DGKI: variants seen among roughly 807,000 people sequenced by gnomAD.
DGKI encodes the protein diacylglycerol kinase iota, also known as DAG kinase iota.
In DGKI, 55 loss-of-function variants were observed where a neutral mutation model predicts 147.5. The observed-to-expected ratio is 0.37, with a 90% confidence interval of 0.30 to 0.47. The LOEUF (loss-of-function observed/expected upper bound fraction) is 0.47, where lower values mean the gene tolerates loss of function less well. Among genes scored for constraint, DGKI ranks in the 20% least tolerant of loss-of-function variants. The pLI, the probability that DGKI is intolerant of heterozygous loss-of-function variation, is 1.00. For missense variants in DGKI, 1,007 were observed against 1,323.8 expected (o/e 0.76, Z 3.71); for synonymous variants, 469 against 477.1 (o/e 0.98, Z 0.22).
At chr7:137,417,023 A>C (rs963169270) in intron 28 of DGKI, among the ~76,000 whole-genome samples, 3 of 152,226 alleles carry the variant, frequency 2.0e-5, no homozygotes, top group African/African-American at 7.2e-5. Context: ...GATTTCCTCC[A>C]CATAAAAAGA....
Position 137,520,419 on chromosome 7 carries a change from C to T in DGKI, c.2248+1447G>A, listed in dbSNP as rs142056609. 3.0e-3 allele frequency among the ~76,000 whole-genome samples: 452 copies of T among 152,158 alleles called. 3 individuals are homozygous for T. Among genetic ancestry groups the T allele is most frequent in the South Asian group, 0.022 (107 of 4,828 alleles). ...CCATCGCAAAAATATATGTCTAACA[C>T]TTTATGGATCAAACAGATTATATGC... On this transcript the variant is annotated intron_variant, in intron 21 of 32. Transcript: ENST00000614521.
At chr7:137,561,991 G>A (rs1312714208) in intron 19 of DGKI, among the ~76,000 whole-genome samples, 1 of 152,094 alleles carries the variant, frequency 6.6e-6, no homozygotes, top group Non-Finnish European at 1.5e-5. Flanking sequence ...AAAACTATTT[G>A]TTGCCAACAG....
intron 1 of DGKI, among the ~76,000 whole-genome samples, chr7:137,727,278 T>C (rs1309029419): frequency 6.6e-6 from 1 of 152,146 alleles, no homozygotes; most frequent in Non-Finnish European, 1.5e-5. Flanking sequence ...GAAAAGCAGA[T>C]GTTCAATAAG....
chr7:137,681,212 T>G (rs1823225048), intron 2 of DGKI, among the ~76,000 whole-genome samples: 1 of 152,214 alleles, frequency 6.6e-6, no homozygotes, highest in African/African-American at 2.4e-5. Flanking sequence ...GGTGGACACC[T>G]GTTCACCAAA....
Position 137,799,652 on chromosome 7 carries a change from G to A in DGKI, c.401+46810C>T, listed in dbSNP as rs921407277. ...CATTTTGGGCTGGATTGGTTAAGAAGTCAATCACATGCTTTCCTAAGGAAA... is the reference window on the plus strand; with the variant it reads ...CATTTTGGGCTGGATTGGTTAAGAAATCAATCACATGCTTTCCTAAGGAAA... On this transcript the variant is annotated intron_variant, in intron 1 of 32. Transcript: ENST00000614521. Among the ~76,000 whole-genome samples, 68 of 152,278 alleles carry A rather than the reference G, an allele frequency of 4.5e-4. 1 individual carries two copies. Among genetic ancestry groups the A allele is most frequent in the African/African-American group, 1.6e-3 (68 of 41,562 alleles).
intron 21 of DGKI, among the ~76,000 whole-genome samples, chr7:137,507,071 C>T (rs1446524432): frequency 2.6e-5 from 4 of 152,154 alleles, no homozygotes; most frequent in African/African-American, 9.7e-5. Context: ...TTTACAACCA[C>T]CTGGTCATCA....
At position 137,846,734 on chromosome 7, in the gene DGKI, A is replaced by G; in HGVS notation, c.129T>C (p.Ala43=). Residue 43 remains alanine (A), a synonymous_variant, in exon 1 of 33, where the codon GCT becomes GCC. Transcript: ENST00000614521. The surrounding 1 kb of genome is among the most constrained non-coding windows in gnomAD (Gnocchi z 4.0). ...CGCCCGCTCCGGCGGCCGCGGAGGG[A>G]GCGCAGGCGGCGCCGCTGCAGGGGC... ...PPGPCSGAAC[A]PSAAAGAGAM... The G allele has an allele frequency of 9.9e-7, 1 of 1,010,854 alleles. No individual in the cohort carries two copies. The highest frequency in any genetic ancestry group is 1.2e-6 in the Non-Finnish European group (1 of 849,520). The allele number at this position is 1,010,854 out of a possible 1,614,324, so 62.6% of individuals were successfully genotyped here.
At chr7:137,809,380 G>T (rs2116993070) in intron 1 of DGKI, among the ~76,000 whole-genome samples, 1 of 152,244 alleles carries the variant, frequency 6.6e-6, no homozygotes. Flanking sequence ...ATGACAGGAG[G>T]AATGGAGAGA....
intron 23 of DGKI, among the ~76,000 whole-genome samples, chr7:137,478,867 A>G (rs889741786): frequency 4.6e-5 from 7 of 152,238 alleles, no homozygotes; most frequent in Admixed American, 4.6e-4. Flanking sequence ...AATGCTGCAC[A>G]TTAAATAAAT....
chr7:137,599,664 G>A (rs549054094), intron 11 of DGKI, among the ~76,000 whole-genome samples, 159 bp downstream of exon 11: 2 of 152,348 alleles, frequency 1.3e-5, no homozygotes, highest in South Asian at 4.1e-4. Context: ...TAAAGAGTAG[G>A]AGAGAACTTT....
At chr7:137,676,256 G>C (rs73730093) in intron 3 of DGKI, among the ~76,000 whole-genome samples, 7,756 of 152,200 alleles carry the variant, frequency 0.051, 654 homozygotes, top group African/African-American at 0.18. Context: ...ATAAATCTTT[G>C]CTAATTTAAT....
rs1016002975 is a variant in DGKI, at chr7:137,846,312, C to T, written c.401+150G>A. 3.9e-6 allele frequency: 2 copies of T among 508,992 alleles called. No individual in the cohort carries two copies. The highest frequency in any genetic ancestry group is 6.9e-6 in the Non-Finnish European group (2 of 289,220). 31.5% of individuals were successfully genotyped at this position (508,992 alleles called of 1,614,324 possible). Reference sequence around the variant, plus strand: ...CTGGAATGATAGGATGGGGAGAAGACAGACATCCCCGGGAGGAGAGGGGGA... The same window carrying T: ...CTGGAATGATAGGATGGGGAGAAGATAGACATCCCCGGGAGGAGAGGGGGA... On this transcript the variant is annotated intron_variant, in intron 1 of 32. Transcript: ENST00000614521. The surrounding 1 kb of genome is among the most constrained non-coding windows in gnomAD (Gnocchi z 4.0).
chr7:137,516,446 A>T (rs981580043), intron 21 of DGKI, among the ~76,000 whole-genome samples: 13 of 152,138 alleles, frequency 8.5e-5, no homozygotes, highest in African/African-American at 3.1e-4. Context: ...GGATTTTCTC[A>T]TTCTTGCTTA....
intron 1 of DGKI, among the ~76,000 whole-genome samples, chr7:137,785,171 G>A (rs1258328953): frequency 6.6e-6 from 1 of 151,760 alleles, no homozygotes; most frequent in African/African-American, 2.4e-5. Context: ...CAATACAAAA[G>A]ATAGATTAAA....
At chr7:137,581,823 G>A (rs770366752) in intron 15 of DGKI, 27 bp downstream of exon 15, 124 of 1,592,548 alleles carry the variant, frequency 7.8e-5, no homozygotes, top group Middle Eastern at 1.7e-4. Context: ...TCCTCCCTGG[G>A]AGATGGAAAT....
intron 1 of DGKI, among the ~76,000 whole-genome samples, chr7:137,780,129 G>A (rs911675231): frequency 4.6e-5 from 7 of 152,120 alleles, no homozygotes; most frequent in Non-Finnish European, 5.9e-5. Context: ...TTTGAAAGGC[G>A]GTCAGAGACA....
At chr7:137,553,715 T>C (rs1818128823) in intron 19 of DGKI, among the ~76,000 whole-genome samples, 1 of 151,974 alleles carries the variant, frequency 6.6e-6, no homozygotes, top group African/African-American at 2.4e-5. Flanking sequence ...GTTTGGAAAA[T>C]GTATAACACC....
At chr7:137,754,241 C>T (rs1027694562) in intron 1 of DGKI, among the ~76,000 whole-genome samples, 3 of 152,152 alleles carry the variant, frequency 2.0e-5, no homozygotes, top group South Asian at 2.1e-4. Flanking sequence ...AATGCTCCTA[C>T]GTGGAGGAAG....
intron 3 of DGKI, among the ~76,000 whole-genome samples, chr7:137,664,078 T>C (rs1822542797): frequency 6.6e-6 from 1 of 151,458 alleles, no homozygotes; most frequent in South Asian, 2.1e-4. Context: ...CTGCCCACAA[T>C]AGGGAAAAAA....
Sources: allele counts gnomAD v4.1 joint callset (sites outside exome capture counted in the v4.1 genomes callset), GRCh38; gene constraint gnomAD v4.1.1; non-coding constraint Gnocchi (gnomAD v3.1); transcripts MANE v1.5; gene names NCBI Gene and HGNC (gene_info 2026-07-23, HGNC 2026-07-21).